PTPRS: variants seen among roughly 807,000 people sequenced by gnomAD.
The protein encoded by PTPRS is receptor-type tyrosine-protein phosphatase S.
PTPRS carries 63 observed loss-of-function variants against 215.3 expected under a neutral mutation model. The observed-to-expected ratio is 0.29, with a 90% CI of 0.24 to 0.36. The LOEUF (loss-of-function observed/expected upper bound fraction) is 0.36. Ranked by LOEUF, PTPRS falls within the 10% of genes least tolerant of loss-of-function variation. The pLI is 1.00. For missense variants in PTPRS, 2,258 were observed against 2,825.8 expected, an observed-to-expected ratio of 0.80 and a Z score of 4.56; for synonymous variants, 1,404 against 1,191.4, an observed-to-expected ratio of 1.18 and a Z score of -3.68.
chr19:5,321,402 G>T (rs1411564593), intron 1 of PTPRS, among the ~76,000 whole-genome samples: 1 of 152,234 alleles, frequency 6.6e-6, no homozygotes, highest in Admixed American at 6.5e-5. Flanking sequence ...AGTGACATGG[G>T]CCCATTTTAG....
chr19:5,230,196 G>C (rs1342202190), intron 14 of PTPRS, among the ~76,000 whole-genome samples: 1 of 152,214 alleles, frequency 6.6e-6, no homozygotes, highest in Non-Finnish European at 1.5e-5. Context: ...TTGGCATAAA[G>C]AAGAGCTGCT....
intron 1 of PTPRS, among the ~76,000 whole-genome samples, chr19:5,290,787 A>C (rs960936640): frequency 6.6e-6 from 1 of 151,744 alleles, no homozygotes; most frequent in African/African-American, 2.4e-5. Flanking sequence ...ACCCTGCACA[A>C]TCTCTCCACC....
At chr19:5,340,191 C>T (rs1391673284) in intron 1 of PTPRS, among the ~76,000 whole-genome samples, 2 of 150,776 alleles carry the variant, frequency 1.3e-5, no homozygotes, top group African/African-American at 2.4e-5. Context: ...TGCCCCCCAT[C>T]CCCCGGCACA....
Position 5,244,724 on chromosome 19 carries a change from C to T in PTPRS, c.989-242G>A, listed in dbSNP as rs2044318874. Among the ~76,000 whole-genome samples the T allele has an allele frequency of 1.3e-5, 2 of 152,200 alleles. No individual in the cohort carries two copies. The highest frequency in any genetic ancestry group is 4.1e-4 in the South Asian group (2 of 4,834). On this transcript the variant is annotated intron_variant, in intron 10 of 37. Transcript: ENST00000262963. This position sits in a 1 kb window ranked among gnomAD's most constrained non-coding sequence, Gnocchi z 7.2. Reference sequence around the variant, plus strand: ...AGATGGAGTCTCACTCTGTCACCCACAGTGGCACGATCTCGGCTCACTGCA... The same window carrying T: ...AGATGGAGTCTCACTCTGTCACCCATAGTGGCACGATCTCGGCTCACTGCA...
At chr19:5,325,080 C>T (rs1387501939) in intron 1 of PTPRS, among the ~76,000 whole-genome samples, 2 of 152,350 alleles carry the variant, frequency 1.3e-5, no homozygotes, top group East Asian at 1.9e-4. Flanking sequence ...CCCTCCCCGA[C>T]AATCACTGGG....
chr19:5,233,187 CG>C (rs1377580414), intron 13 of PTPRS, among the ~76,000 whole-genome samples: 1 of 137,320 alleles, frequency 7.3e-6, no homozygotes, highest in African/African-American at 2.7e-5. Flanking sequence ...TAATCTATGT[CG>C]AACACCTATG....
chr19:5,224,368 C>T (rs1286493827), intron 17 of PTPRS, among the ~76,000 whole-genome samples: 1 of 152,108 alleles, frequency 6.6e-6, no homozygotes, highest in East Asian at 1.9e-4. Flanking sequence ...CTCAGAGAAC[C>T]CCTCCTCCTT....
At chr19:5,254,127 A>T (rs1016973542) in intron 9 of PTPRS, among the ~76,000 whole-genome samples, 1 of 152,060 alleles carries the variant, frequency 6.6e-6, no homozygotes, top group Admixed American at 6.6e-5. Context: ...GTTCCAATGC[A>T]CCAGCACCTA....
At chr19:5,250,448 C>T (rs147411322) in intron 9 of PTPRS, among the ~76,000 whole-genome samples, 2 of 152,274 alleles carry the variant, frequency 1.3e-5, no homozygotes, top group South Asian at 2.1e-4. Flanking sequence ...AAGGTGGGCA[C>T]GGTGCCCACG....
chr19:5,328,247 G>T (rs1276541753), intron 1 of PTPRS, among the ~76,000 whole-genome samples: 1 of 152,120 alleles, frequency 6.6e-6, no homozygotes, highest in Non-Finnish European at 1.5e-5. Context: ...CTCCTGAGTA[G>T]CTGGGATTAC....
chr19:5,314,849 T>C (rs964507325), intron 1 of PTPRS, among the ~76,000 whole-genome samples: 1 of 152,170 alleles, frequency 6.6e-6, no homozygotes, highest in Admixed American at 6.6e-5. Context: ...GATCAGGGGC[T>C]TCAGATGAAC....
intron 13 of PTPRS, among the ~76,000 whole-genome samples, chr19:5,236,724 C>T (rs1297699746): frequency 1.3e-5 from 2 of 152,156 alleles, no homozygotes; most frequent in Non-Finnish European, 2.9e-5. Context: ...TCCGGCCTCA[C>T]TTAAAGCAAA....
At position 5,231,533 on chromosome 19, in the gene PTPRS, C is replaced by T. The variant is rs148862245; in HGVS notation, c.1932G>A (p.Pro644=). The T allele has an allele frequency of 1.3e-4, 203 of 1,610,310 alleles. 2 individuals are homozygous for T. The highest frequency in any genetic ancestry group is 1.2e-3 in the South Asian group (106 of 90,912). ...AILVSWRPPP[P]ETHNGALVGY... Reference sequence around the variant, plus strand: ...CCACCAGGGCCCCGTTGTGCGTTTCCGGCGGCGGCGGGCGCCAACTTACCA... The same window carrying T: ...CCACCAGGGCCCCGTTGTGCGTTTCTGGCGGCGGCGGGCGCCAACTTACCA... The change falls in exon 14 of 38, where the codon CCG becomes CCA. Residue 644 remains proline (P), a synonymous_variant. Coordinates refer to ENST00000262963, the MANE Select transcript of PTPRS (RefSeq NM_002850.4).
chr19:5,297,745 G>C (rs948340741), intron 1 of PTPRS, among the ~76,000 whole-genome samples: 1 of 151,630 alleles, frequency 6.6e-6, no homozygotes, highest in African/African-American at 2.4e-5. Context: ...CAGCAAATAC[G>C]ATGGCCCTGA....
At chr19:5,286,803 T>C (rs1259895980) in intron 1 of PTPRS, among the ~76,000 whole-genome samples, 1 of 151,646 alleles carries the variant, frequency 6.6e-6, no homozygotes, top group African/African-American at 2.4e-5. Context: ...CCAGCATGAG[T>C]CCCCAACCCA....
intron 4 of PTPRS, among the ~76,000 whole-genome samples, chr19:5,269,338 C>T (rs565878216): frequency 1.3e-5 from 2 of 152,180 alleles, no homozygotes; most frequent in African/African-American, 4.8e-5. Context: ...CAAAAACGTA[C>T]ATCGCGAACC....
chr19:5,330,959 G>C (rs1351477279), intron 1 of PTPRS, among the ~76,000 whole-genome samples: 1 of 151,958 alleles, frequency 6.6e-6, no homozygotes, highest in Admixed American at 6.6e-5. Context: ...TAATCAATGG[G>C]GCAGTGGAAC....
chr19:5,232,051 G>A (rs1287115231), intron 13 of PTPRS, among the ~76,000 whole-genome samples: 1 of 152,036 alleles, frequency 6.6e-6, no homozygotes, highest in Admixed American at 6.6e-5. Context: ...CAGCACCAAG[G>A]GCTTCACAAA....
chr19:5,257,963 G>A lies in PTPRS; in HGVS notation c.706+54C>T, dbSNP rs2045700651. On this transcript the variant is annotated intron_variant, in intron 8 of 37. Transcript: ENST00000262963. The surrounding 1 kb of genome is among the most constrained non-coding windows in gnomAD (Gnocchi z 4.4). ...CGGAGGCGGTGAGCCCGAGGAGGGA[G>A]GGGGATGGGACGGGGCGGGTCCCTG... 12 of 1,477,248 alleles carry A rather than the reference G, an allele frequency of 8.1e-6. No individual in the cohort carries two copies. Among genetic ancestry groups the A allele is most frequent in the Middle Eastern group, 2.1e-4 (1 of 4,780 alleles). The allele number at this position is 1,477,248 out of a possible 1,614,324, so 91.5% of individuals were successfully genotyped here. A position where few individuals can be genotyped will look rare whatever the true frequency, so the allele number is the denominator to read the frequency against.
Sources: gnomAD v4.1 joint callset for allele counts (sites outside exome capture counted in the v4.1 genomes callset) on GRCh38, gnomAD v4.1.1 for gene constraint, Gnocchi (gnomAD v3.1) non-coding constraint, MANE v1.5 for transcripts, NCBI Gene and HGNC (gene_info 2026-07-23, HGNC 2026-07-21) for gene names.